IL1RAPL1: variants seen among roughly 807,000 people sequenced by gnomAD.
IL1RAPL1 encodes interleukin 1 receptor accessory protein like 1, also known as interleukin-1 receptor accessory protein-like 1.
Under a neutral mutation model 48.4 loss-of-function variants are expected in IL1RAPL1, and 3 were observed. The ratio of observed to expected loss-of-function variants is 0.06; its 90% CI spans 0.03 to 0.16. IL1RAPL1 has a LOEUF of 0.16. IL1RAPL1 is among the 10% of genes least tolerant of loss of function. IL1RAPL1 has a pLI of 1.00. For synonymous variants in IL1RAPL1, 185 were observed against 187.7 expected (o/e 0.99, Z 0.12); for missense variants, 349 against 530.6 (o/e 0.66, Z 3.36).
intron 5 of IL1RAPL1, among the ~76,000 whole-genome samples, chrX:29,594,532 T>C (rs750179351): frequency 1.3e-4 from 15 of 111,570 alleles, no homozygotes; most frequent in Non-Finnish European, 2.6e-4. Context: ...TAGAATACAA[T>C]ATATATATTC....
chrX:28,994,114 AGAAGTAAAAT>A (rs1925674589), intron 2 of IL1RAPL1, among the ~76,000 whole-genome samples: 1 of 111,424 alleles, frequency 9.0e-6, no homozygotes, highest in African/African-American at 3.3e-5. Context: ...AGTTTAAACA[AGAAGTAAAAT>A]GACTATTAAG....
chrX:29,470,761 A>G (rs1411079095), intron 5 of IL1RAPL1, among the ~76,000 whole-genome samples: 1 of 110,697 alleles, frequency 9.0e-6, no homozygotes, highest in African/African-American at 3.3e-5. Context: ...AGCCTCCAGA[A>G]TAGATGGGAC....
intron 6 of IL1RAPL1, among the ~76,000 whole-genome samples, chrX:29,773,096 C>T (rs1241327146): frequency 1.8e-5 from 2 of 112,363 alleles, no homozygotes; most frequent in Admixed American, 9.4e-5. Context: ...TCTTAACCTA[C>T]AACTTCACTG....
intron 2 of IL1RAPL1, among the ~76,000 whole-genome samples, chrX:29,158,956 C>G (rs1200170615): frequency 1.5e-5 from 1 of 67,672 alleles, no homozygotes; most frequent in Non-Finnish European, 2.6e-5. Flanking sequence ...CCCTCTCCCT[C>G]TCTCTCTCTC....
intron 1 of IL1RAPL1, among the ~76,000 whole-genome samples, chrX:28,594,789 A>T (rs934434463): frequency 3.6e-5 from 4 of 111,902 alleles, no homozygotes; most frequent in Non-Finnish European, 3.8e-5. Flanking sequence ...TGTGGACTTT[A>T]TTTTTCCTTT....
intron 1 of IL1RAPL1, among the ~76,000 whole-genome samples, chrX:28,605,615 T>C (rs1246307351): frequency 2.7e-5 from 3 of 112,257 alleles, no homozygotes; most frequent in Non-Finnish European, 5.6e-5. Flanking sequence ...CTGCTCTCAA[T>C]ATAGCAGCTA....
intron 6 of IL1RAPL1, among the ~76,000 whole-genome samples, chrX:29,798,099 C>T (rs5928396): frequency 0.43 from 47,231 of 110,202 alleles, 7,718 homozygotes; most frequent in African/African-American, 0.57. Flanking sequence ...TGAGAACTAC[C>T]ATGCTAAGAC....
intron 5 of IL1RAPL1, among the ~76,000 whole-genome samples, chrX:29,565,406 A>C (rs1922367941): frequency 9.0e-6 from 1 of 111,369 alleles, no homozygotes; most frequent in Non-Finnish European, 1.9e-5. Flanking sequence ...AATTCTAGTC[A>C]ATATGTATAA....
At chrX:29,413,402 G>A (rs1400140260) in intron 5 of IL1RAPL1, among the ~76,000 whole-genome samples, 2 of 110,181 alleles carry the variant, frequency 1.8e-5, no homozygotes, top group African/African-American at 6.6e-5. Context: ...TGTGCACAAC[G>A]TGCAGGTTTG....
intron 2 of IL1RAPL1, among the ~76,000 whole-genome samples, chrX:28,902,537 T>G (rs747427356): frequency 9.6e-4 from 108 of 112,250 alleles, no homozygotes; most frequent in African/African-American, 3.4e-3. Context: ...GACATCCTTG[T>G]GGAGACTTTC....
intron 1 of IL1RAPL1, among the ~76,000 whole-genome samples, chrX:28,741,411 TG>T (rs1250146090): frequency 9.0e-6 from 1 of 111,726 alleles, no homozygotes; most frequent in African/African-American, 3.3e-5. Context: ...CTTGTTGATT[TG>T]TTTAAATTCC....
chrX:28,718,455 G>A (rs1326828206), intron 1 of IL1RAPL1, among the ~76,000 whole-genome samples: 1 of 111,468 alleles, frequency 9.0e-6, no homozygotes, highest in African/African-American at 3.3e-5. Context: ...AAATACAAGA[G>A]TGAATTTCTA....
chrX:29,850,250 G>A (rs755364970), intron 6 of IL1RAPL1, among the ~76,000 whole-genome samples: 4 of 112,117 alleles, frequency 3.6e-5, no homozygotes, highest in African/African-American at 1.3e-4. Context: ...GCAGTCATCT[G>A]TCAAGGGGAT....
chrX:29,456,473 C>G (rs778318491), intron 5 of IL1RAPL1, among the ~76,000 whole-genome samples: 2 of 111,410 alleles, frequency 1.8e-5, no homozygotes, highest in African/African-American at 3.3e-5. Context: ...TGGAAGTGTT[C>G]CAGTAGGCAT....
intron 5 of IL1RAPL1, among the ~76,000 whole-genome samples, chrX:29,497,501 A>C (rs1389185054): frequency 9.0e-6 from 1 of 111,248 alleles, no homozygotes; most frequent in Non-Finnish European, 1.9e-5. Context: ...AATTCTTTTC[A>C]CTTTTTTGTT....
At chrX:29,520,469 T>C (rs1212024890) in intron 5 of IL1RAPL1, among the ~76,000 whole-genome samples, 3 of 112,260 alleles carry the variant, frequency 2.7e-5, no homozygotes, top group Non-Finnish European at 5.6e-5. Flanking sequence ...TTTAGCGTTT[T>C]TAAATTCTAT....
intron 6 of IL1RAPL1, among the ~76,000 whole-genome samples, chrX:29,902,498 T>G (rs1353064120): frequency 9.0e-6 from 1 of 111,143 alleles, no homozygotes; most frequent in African/African-American, 3.3e-5. Flanking sequence ...CTACTGCCTC[T>G]CTTCATTTGA....
At chrX:28,788,713 C>T (rs1038106615) in intron 1 of IL1RAPL1, among the ~76,000 whole-genome samples, 4 of 109,200 alleles carry the variant, frequency 3.7e-5, no homozygotes, top group Non-Finnish European at 5.7e-5. Context: ...AGGGATCTAC[C>T]CGCTTCAGCC....
intron 2 of IL1RAPL1, among the ~76,000 whole-genome samples, chrX:29,119,932 C>G (rs765999524): frequency 3.4e-4 from 38 of 111,595 alleles, no homozygotes; most frequent in Admixed American, 9.5e-4. Flanking sequence ...CAGAGCCTAA[C>G]CTACCTGGAA....
Sources: allele counts gnomAD v4.1 joint callset (sites outside exome capture counted in the v4.1 genomes callset), GRCh38; gene constraint gnomAD v4.1.1; transcripts MANE v1.5; gene names NCBI Gene and HGNC (gene_info 2026-07-23, HGNC 2026-07-21).